The following CEP85L variants were observed in gnomAD, a reference collection of about 807,000 sequenced individuals.
CEP85L encodes centrosomal protein 85L, also known as centrosomal protein of 85 kDa-like.
A neutral mutation model predicts 100.3 loss-of-function variants in CEP85L; 60 were observed. The ratio of observed to expected loss-of-function variants is 0.60; its 90% CI spans 0.49 to 0.74. CEP85L has a LOEUF of 0.74. Ranked by LOEUF, CEP85L falls within the 30% of genes least tolerant of loss-of-function variation. CEP85L has a pLI of 0.00. For missense variants in CEP85L, 973 were observed against 936.2 expected (o/e 1.04, Z -0.51); for synonymous variants, 319 against 322.7 (o/e 0.99, Z 0.12).
chr6:118,524,075 T>C (rs1344934922), intron 3 of CEP85L, among the ~76,000 whole-genome samples, 155 bp from the exon 4 acceptor site: 1 of 152,122 alleles, frequency 6.6e-6, no homozygotes, highest in Non-Finnish European at 1.5e-5. Context: ...ACAACATAAC[T>C]TGGACAATTT....
At chr6:118,569,372 G>GT (rs1491570660) in intron 2 of CEP85L, among the ~76,000 whole-genome samples, 1 of 113,766 alleles carries the variant, frequency 8.8e-6, no homozygotes, top group Non-Finnish European at 1.8e-5. Context: ...AAAAAAAGGA[G>GT]TAAAATATAC....
At chr6:118,636,107 G>T (rs1013037735) in intron 1 of CEP85L, among the ~76,000 whole-genome samples, 11 of 152,140 alleles carry the variant, frequency 7.2e-5, no homozygotes, top group African/African-American at 2.2e-4. Context: ...AATGGATGTG[G>T]CTATGTTGTA....
At chr6:118,632,699 A>G (rs913034754) in intron 1 of CEP85L, 88 bp from the exon 2 acceptor site, 2 of 906,758 alleles carry the variant, frequency 2.2e-6, no homozygotes, top group East Asian at 2.7e-5. Context: ...CACATAGGGT[A>G]TAAAAGGTAT....
intron 2 of CEP85L, among the ~76,000 whole-genome samples, chr6:118,580,939 G>A (rs1010074759): frequency 6.6e-6 from 1 of 152,192 alleles, no homozygotes; most frequent in African/African-American, 2.4e-5. Context: ...CCCTTGGTCT[G>A]GAGAGCACAC....
At chr6:118,511,201 A>G in intron 5 of CEP85L, 97 bp downstream of exon 5, 1 of 775,238 alleles carries the variant, frequency 1.3e-6, no homozygotes, top group East Asian at 2.5e-5. Context: ...TGAATACATT[A>G]TTAAGTTGAT....
intron 1 of CEP85L, among the ~76,000 whole-genome samples, chr6:118,643,579 T>A (rs1775006933): frequency 6.6e-6 from 1 of 152,234 alleles, no homozygotes; most frequent in Non-Finnish European, 1.5e-5. Context: ...ATACAACAGT[T>A]TCTGATCTTA....
chr6:118,698,081 G>C (rs964917893), intron 1 of CEP85L, among the ~76,000 whole-genome samples: 1 of 152,126 alleles, frequency 6.6e-6, no homozygotes, highest in African/African-American at 2.4e-5. Flanking sequence ...CATTCCTCTG[G>C]GCCCTACTCA....
At chr6:118,647,039 C>T (rs1775245686) in intron 1 of CEP85L, 1 of 985,246 alleles carries the variant, frequency 1.0e-6, no homozygotes, top group African/African-American at 1.7e-5. Context: ...CCCCCCAATA[C>T]CTATTATGAA....
At chr6:118,696,109 A>G (rs530025880) in intron 1 of CEP85L, among the ~76,000 whole-genome samples, 1 of 152,232 alleles carries the variant, frequency 6.6e-6, no homozygotes, top group East Asian at 1.9e-4. Context: ...TGTCTCTACT[A>G]AAAATACAAA....
chr6:118,532,032 C>T (rs964792853), intron 3 of CEP85L, among the ~76,000 whole-genome samples: 1 of 152,088 alleles, frequency 6.6e-6, no homozygotes, highest in South Asian at 2.1e-4. Flanking sequence ...AATCATTCTA[C>T]CGGAGACACA....
chr6:118,630,904 G>A (rs1774103796), intron 2 of CEP85L, among the ~76,000 whole-genome samples: 1 of 152,184 alleles, frequency 6.6e-6, no homozygotes, highest in Admixed American at 6.5e-5. Flanking sequence ...GATATAGGTT[G>A]TGCGCTCCTT....
At chr6:118,645,966 C>T (rs1319563108) in intron 1 of CEP85L, among the ~76,000 whole-genome samples, 1 of 152,166 alleles carries the variant, frequency 6.6e-6, no homozygotes, top group Non-Finnish European at 1.5e-5. Flanking sequence ...ACGCCTTAAT[C>T]CCAGCACTTT....
intron 2 of CEP85L, among the ~76,000 whole-genome samples, chr6:118,591,899 CAAT>C (rs1338453891): frequency 3.3e-5 from 5 of 152,030 alleles, no homozygotes; most frequent in African/African-American, 1.2e-4. Flanking sequence ...TAATTTTCAG[CAAT>C]AACATAAATT....
chr6:118,650,169 C>T (rs1775454017), intron 1 of CEP85L, among the ~76,000 whole-genome samples: 1 of 152,176 alleles, frequency 6.6e-6, no homozygotes. Flanking sequence ...GGTTACTTAA[C>T]AGGAGTCCCA....
chr6:118,676,422 A>G (rs186494788), intron 1 of CEP85L, among the ~76,000 whole-genome samples: 2 of 152,222 alleles, frequency 1.3e-5, no homozygotes, highest in Admixed American at 1.3e-4. Context: ...CCACATTATC[A>G]TTGACTTCAT....
chr6:118,502,051 G>A, intron 5 of CEP85L: 1 of 837,974 alleles, frequency 1.2e-6, no homozygotes, highest in South Asian at 1.5e-5. Context: ...AAGAAGACTG[G>A]GACTTCCCCA....
intron 3 of CEP85L, among the ~76,000 whole-genome samples, chr6:118,530,036 C>A (rs991097092): frequency 6.6e-6 from 1 of 151,754 alleles, no homozygotes; most frequent in African/African-American, 2.4e-5. Flanking sequence ...CAAAAAAAAT[C>A]ATTAAATAAA....
chr6:118,604,896 G>A (rs1358221970), intron 2 of CEP85L, among the ~76,000 whole-genome samples: 1 of 150,160 alleles, frequency 6.7e-6, no homozygotes, highest in East Asian at 1.9e-4. Flanking sequence ...ATTTCCAAAA[G>A]ATTACTAAAG....
chr6:118,575,071 G>T (rs1780143864), intron 2 of CEP85L, among the ~76,000 whole-genome samples: 1 of 152,056 alleles, frequency 6.6e-6, no homozygotes, highest in Admixed American at 6.5e-5. Context: ...AACTCGAGTT[G>T]AGCCGTAGAG....
Sources: allele counts gnomAD v4.1 joint callset (sites outside exome capture counted in the v4.1 genomes callset), GRCh38; gene constraint gnomAD v4.1.1; transcripts MANE v1.5; gene names NCBI Gene and HGNC (gene_info 2026-07-23, HGNC 2026-07-21).